DAPK2: variants seen among roughly 807,000 people sequenced by gnomAD.
DAPK2 encodes death-associated protein kinase 2.
DAPK2 carries 35 observed loss-of-function variants against 44.1 expected under a neutral mutation model. The ratio of observed to expected loss-of-function variants is 0.79; its 90% CI spans 0.61 to 1.05. The LOEUF is 1.05. DAPK2 is among the 50% of genes least tolerant of loss of function. The pLI, the probability that DAPK2 is intolerant of heterozygous loss-of-function variation, is 0.00. For missense variants in DAPK2, 453 were observed against 483.2 expected (o/e 0.94, Z 0.59); for synonymous variants, 174 against 182.6 (o/e 0.95, Z 0.38).
chr15:63,913,500 C>G (rs1300309467), intron 8 of DAPK2, among the ~76,000 whole-genome samples: 1 of 152,196 alleles, frequency 6.6e-6, no homozygotes, highest in Non-Finnish European at 1.5e-5. Context: ...AGGTCCCGGG[C>G]AGCTCTGGTT....
chr15:63,922,194 G>C, intron 8 of DAPK2: 2 of 718,644 alleles, frequency 2.8e-6, no homozygotes, highest in Non-Finnish European at 3.4e-6. Flanking sequence ...GTTCTTTTAA[G>C]GACCAAGTGA....
At chr15:63,957,042 A>G (rs1204087302) in intron 3 of DAPK2, among the ~76,000 whole-genome samples, 2 of 152,218 alleles carry the variant, frequency 1.3e-5, no homozygotes, top group Non-Finnish European at 2.9e-5. Flanking sequence ...ATTAAGTCCT[A>G]TGTTTCTTTG....
chr15:63,942,561 A>G (rs1038586220), intron 3 of DAPK2, among the ~76,000 whole-genome samples: 2 of 151,788 alleles, frequency 1.3e-5, no homozygotes, highest in Admixed American at 6.6e-5. Context: ...CAAAAAAACA[A>G]CAACAAAAAA....
chr15:63,963,910 G>A (rs2077981176), intron 3 of DAPK2, among the ~76,000 whole-genome samples: 1 of 152,006 alleles, frequency 6.6e-6, no homozygotes, highest in African/African-American at 2.4e-5. Flanking sequence ...TTATTGTACT[G>A]TCTGTCTTGA....
At chr15:63,918,304 T>G (rs1166515665) in intron 8 of DAPK2, 1 of 152,510 alleles carries the variant, frequency 6.6e-6, no homozygotes, top group Admixed American at 6.5e-5. Context: ...CTCCATCCCT[T>G]CACTGCCAGG....
At chr15:64,026,167 C>T (rs2079839012) in intron 1 of DAPK2, among the ~76,000 whole-genome samples, 1 of 152,190 alleles carries the variant, frequency 6.6e-6, no homozygotes, top group Admixed American at 6.5e-5. Flanking sequence ...CGGGGTCTCA[C>T]ATGACCTCCC....
intron 1 of DAPK2, among the ~76,000 whole-genome samples, chr15:64,001,294 C>G (rs2079079484): frequency 6.6e-6 from 1 of 152,040 alleles, no homozygotes; most frequent in African/African-American, 2.4e-5. Context: ...GCTCAATCTG[C>G]TGTCTCTAGA....
At chr15:63,959,822 T>C (rs2077835660) in intron 3 of DAPK2, among the ~76,000 whole-genome samples, 1 of 152,162 alleles carries the variant, frequency 6.6e-6, no homozygotes, top group Admixed American at 6.5e-5. Flanking sequence ...TTCTCTTTTT[T>C]GTTGTGTCTC....
At chr15:63,970,560 G>A (rs1358977568) in intron 3 of DAPK2, among the ~76,000 whole-genome samples, 4 of 152,076 alleles carry the variant, frequency 2.6e-5, no homozygotes, top group Non-Finnish European at 5.9e-5. Context: ...TAAGGTTCCT[G>A]GAAAAGATGA....
rs139806015 is a variant in DAPK2, at chr15:63,932,321, C to T, written c.584-1866G>A. 7.9e-3 allele frequency among the ~76,000 whole-genome samples: 1,192 copies of T among 151,188 alleles called. 6 individuals carry two copies. The highest frequency in any genetic ancestry group is 0.011 in the Non-Finnish European group (736 of 67,834). On this transcript the variant is annotated intron_variant, in intron 4 of 10. Transcript: ENST00000261891. ...TCTCAACTAAAAGTACAAAATTAGC[C>T]GGGCGTGGTAGCACATGCCTGTAAT...
intron 3 of DAPK2, among the ~76,000 whole-genome samples, chr15:63,958,838 G>A (rs2077803749): frequency 6.6e-6 from 1 of 152,054 alleles, no homozygotes; most frequent in South Asian, 2.1e-4. Context: ...ACAATGTGGG[G>A]TCTTTTTTGG....
At chr15:64,017,665 C>T (rs774844749) in intron 1 of DAPK2, among the ~76,000 whole-genome samples, 2 of 152,240 alleles carry the variant, frequency 1.3e-5, no homozygotes, top group Non-Finnish European at 2.9e-5. Context: ...TCGGTTTTCT[C>T]TTTTGTAAAA....
intron 3 of DAPK2, among the ~76,000 whole-genome samples, chr15:63,945,281 C>T (rs1420813840): frequency 6.6e-6 from 1 of 152,208 alleles, no homozygotes; most frequent in Non-Finnish European, 1.5e-5. Flanking sequence ...ACAGGTGATG[C>T]CACTTTCCTG....
chr15:63,922,475 T>C (rs1595708788), intron 8 of DAPK2: 1 of 1,241,298 alleles, frequency 8.1e-7, no homozygotes, highest in East Asian at 3.6e-5. Flanking sequence ...AAGGGGACCC[T>C]GAGGGGTACT....
exon 11 of DAPK2, chr15:63,907,144 C>G (rs1008238976): frequency 6.6e-6 from 1 of 152,188 alleles, no homozygotes; most frequent in African/African-American, 2.4e-5. Context: ...TTGTCGATGG[C>G]TATTCCCCCT....
At chr15:63,967,830 T>C (rs2078099761) in intron 3 of DAPK2, among the ~76,000 whole-genome samples, 1 of 151,934 alleles carries the variant, frequency 6.6e-6, no homozygotes, top group Admixed American at 6.6e-5. Flanking sequence ...TGAAGAGAGG[T>C]TGTTCACATT....
chr15:63,924,278 G>A (rs1387325602), intron 8 of DAPK2, among the ~76,000 whole-genome samples: 1 of 152,168 alleles, frequency 6.6e-6, no homozygotes, highest in Non-Finnish European at 1.5e-5. Context: ...ACTCTCCCCA[G>A]AGGGAACAGA....
intron 3 of DAPK2, among the ~76,000 whole-genome samples, chr15:63,956,288 A>T (rs1337836490): frequency 6.6e-6 from 1 of 151,624 alleles, no homozygotes; most frequent in Non-Finnish European, 1.5e-5. Flanking sequence ...TTTCACTTTT[A>T]TTTATCTCTG....
At chr15:63,931,077 A>G (rs1373118733) in intron 4 of DAPK2, among the ~76,000 whole-genome samples, 1 of 152,088 alleles carries the variant, frequency 6.6e-6, no homozygotes, top group African/African-American at 2.4e-5. Flanking sequence ...AAAAAGAGAA[A>G]GAAATAGAAA....
Sources: allele counts gnomAD v4.1 joint callset (sites outside exome capture counted in the v4.1 genomes callset), GRCh38; gene constraint gnomAD v4.1.1; transcripts MANE v1.5; gene names NCBI Gene and HGNC (gene_info 2026-07-23, HGNC 2026-07-21).